The following TSPEAR variants were observed in gnomAD, a reference collection of about 807,000 sequenced individuals.
TSPEAR encodes the protein thrombospondin type laminin G domain and EAR repeats.
A neutral mutation model predicts 71.6 loss-of-function variants in TSPEAR; 69 were observed. The observed-to-expected ratio is 0.96, with a 90% confidence interval of 0.79 to 1.18. The LOEUF is 1.18. Among genes scored for constraint, TSPEAR ranks in the 50% most tolerant of loss-of-function variants. The pLI is 0.00. For missense variants in TSPEAR, 971 were observed against 894.9 expected, an observed-to-expected ratio of 1.09 and a Z score of -1.09; for synonymous variants, 402 against 387.2, an observed-to-expected ratio of 1.04 and a Z score of -0.45.
At chr21:44,697,986 C>A in intron 1 of TSPEAR, 1 of 1,578,594 alleles carries the variant, frequency 6.3e-7, no homozygotes, top group Non-Finnish European at 8.6e-7. Flanking sequence ...GCATGTCCCC[C>A]AGGGCCACTG....
intron 2 of TSPEAR, chr21:44,558,793 T>G: frequency 9.2e-6 from 14 of 1,526,154 alleles, no homozygotes; most frequent in Non-Finnish European, 1.2e-5. Context: ...GAGTGAGTGA[T>G]CGTGCCAGGC....
chr21:44,704,049 G>GCCCTCAA, intron 1 of TSPEAR, among the ~76,000 whole-genome samples: 1 of 152,350 alleles, frequency 6.6e-6, no homozygotes, highest in South Asian at 2.1e-4. Context: ...CCTGGAGAGT[G>GCCCTCAA]TGGGGCAGAT....
At chr21:44,678,485 C>G (rs981429133) in intron 1 of TSPEAR, among the ~76,000 whole-genome samples, 1 of 152,162 alleles carries the variant, frequency 6.6e-6, no homozygotes, top group Non-Finnish European at 1.5e-5. Context: ...GCAGAAGCCT[C>G]TATGGTTCCT....
At chr21:44,707,649 C>T (rs1227447289) in intron 1 of TSPEAR, among the ~76,000 whole-genome samples, 3 of 152,102 alleles carry the variant, frequency 2.0e-5, no homozygotes, top group Non-Finnish European at 4.4e-5. Context: ...AAGGCGTGGC[C>T]ACTGACAATT....
intron 1 of TSPEAR, among the ~76,000 whole-genome samples, chr21:44,659,234 G>A (rs587598339): frequency 2.0e-5 from 3 of 152,218 alleles, no homozygotes; most frequent in East Asian, 1.9e-4. Context: ...ATGCAGGGGC[G>A]TGTGAAACTT....
intron 8 of TSPEAR, among the ~76,000 whole-genome samples, chr21:44,524,018 C>G (rs587693687): frequency 1.3e-5 from 2 of 150,548 alleles, no homozygotes; most frequent in Non-Finnish European, 1.5e-5. Context: ...AGTTAGTCAT[C>G]AGTCAGGTAG....
At chr21:44,610,213 G>A (rs1475885475) in intron 1 of TSPEAR, among the ~76,000 whole-genome samples, 1 of 152,230 alleles carries the variant, frequency 6.6e-6, no homozygotes, top group African/African-American at 2.4e-5. Context: ...AAGTAGCAAG[G>A]AGCCTATTGT....
At chr21:44,618,010 T>C (rs75713010) in intron 1 of TSPEAR, among the ~76,000 whole-genome samples, 1 of 152,280 alleles carries the variant, frequency 6.6e-6, no homozygotes, top group Non-Finnish European at 1.5e-5. Context: ...ACAGAGGAAA[T>C]GGTGGAGCGG....
At chr21:44,706,951 C>T (rs1987955992) in intron 1 of TSPEAR, among the ~76,000 whole-genome samples, 1 of 152,208 alleles carries the variant, frequency 6.6e-6, no homozygotes, top group South Asian at 2.1e-4. Context: ...GGTCCCCCCA[C>T]CCCCAACCCC....
rs587729396 is a variant in TSPEAR, at chr21:44,559,721, C to T, written c.303+8064G>A. On this transcript the variant is annotated intron_variant, in intron 2 of 11. Transcript: ENST00000323084. ...GTGTGTATCAGCCCATGCCTGTGCC[C>T]GGGACCATACCTGTGCGCTAGTAAG... Among the ~76,000 whole-genome samples, 9 of 152,304 alleles carry T rather than the reference C, an allele frequency of 5.9e-5. No individual in the cohort carries two copies. The South Asian group carries it at 1.2e-3, about 21-fold the overall frequency.
intron 6 of TSPEAR, 151 bp downstream of exon 6, chr21:44,528,301 G>A: frequency 4.6e-6 from 5 of 1,093,994 alleles, no homozygotes; most frequent in Non-Finnish European, 6.7e-6. Context: ...GACTGATGCT[G>A]CCTCTCACTC....
rs34221889 is a variant in TSPEAR at position 44,594,822 on chromosome 21, A to ATTTT, written c.83-26821_83-26818dup. ...TTTTTTCCAAACTTACGGATCTGTGATTTTTTTTTTTTTTTTTTGAGATGC... is the reference window on the plus strand; with the variant it reads ...TTTTTTCCAAACTTACGGATCTGTGATTTTTTTTTTTTTTTTTTTTTTGAGATGC... On this transcript the variant is annotated intron_variant, in intron 1 of 11. Coordinates refer to ENST00000323084, the MANE Select transcript of TSPEAR (RefSeq NM_144991.3). Among the ~76,000 whole-genome samples the ATTTT allele has an allele frequency of 1.6e-3, 207 of 125,516 alleles. 7 individuals are homozygous for ATTTT. The highest frequency in any genetic ancestry group is 5.3e-3 in the African/African-American group (170 of 31,808). 82.3% of individuals were successfully genotyped at this position (125,516 alleles called of 152,430 possible).
rs1379546184 is a variant in TSPEAR, at chr21:44,661,200, A to AGAGGCG, written c.82+50227_82+50232dup. On this transcript the variant is annotated intron_variant, in intron 1 of 11. Coordinates refer to ENST00000323084, the MANE Select transcript of TSPEAR (RefSeq NM_144991.3). ...GCGGCAGGAGAATGGCGTGAACCCCAGAGGCGGAGGCGGAGCCTGCAGTGA... is the reference window on the plus strand; with the variant it reads ...GCGGCAGGAGAATGGCGTGAACCCCAGAGGCGGAGGCGGAGGCGGAGCCTGCAGTGA... Among the ~76,000 whole-genome samples the AGAGGCG allele has an allele frequency of 2.1e-3, 313 of 148,372 alleles. 4 individuals are homozygous for AGAGGCG. The highest frequency in any genetic ancestry group is 7.5e-3 in the African/African-American group (300 of 40,196).
intron 1 of TSPEAR, chr21:44,638,142 G>C: frequency 6.2e-7 from 1 of 1,612,648 alleles, no homozygotes; most frequent in South Asian, 1.1e-5. Context: ...GCCTGCTACA[G>C]CCTCTGCTCT....
In TSPEAR at chr21:44,654,632, T is replaced by TG. The variant is rs371139706; in HGVS notation, c.82+56800dup. On this transcript the variant is annotated intron_variant, in intron 1 of 11. Transcript: ENST00000323084. ...TGGCACATGATGGAGTGTGGACAGG[T>TG]GGGGGGCGCAGAGGACAGGGCTGGT... 4.0e-6 allele frequency: 6 copies of TG among 1,508,318 alleles called. No individual in the cohort carries two copies. The East Asian group carries it at 7.1e-5, about 18-fold the overall frequency. The allele number at this position is 1,508,318 out of a possible 1,614,324, so 93.4% of individuals were successfully genotyped here.
chr21:44,574,473 T>G (rs1555923408), intron 1 of TSPEAR: 3 of 1,605,820 alleles, frequency 1.9e-6, no homozygotes, highest in Non-Finnish European at 2.5e-6. Flanking sequence ...GACTGTCTGC[T>G]GCAAGCCTGT....
chr21:44,577,750 A>G (rs1555924147), intron 1 of TSPEAR, among the ~76,000 whole-genome samples: 1 of 152,214 alleles, frequency 6.6e-6, no homozygotes, highest in Non-Finnish European at 1.5e-5. Flanking sequence ...AATAAAACCA[A>G]ACCTAGTTTT....
chr21:44,542,086 A>G lies in TSPEAR; in HGVS notation c.304-8163T>C, dbSNP rs182578120. Among the ~76,000 whole-genome samples, 136 of 152,352 alleles carry G rather than the reference A, an allele frequency of 8.9e-4. 2 individuals are homozygous for G. In the Middle Eastern group the frequency reaches 0.014, roughly 15 times the overall value. ...GATTAACTTGCTCAAGAAAATAGAG[A>G]ACAAATGGAGAATTTCAGTGTCAAA... is the stretch of plus-strand genomic sequence containing the variant. On this transcript the variant is annotated intron_variant, in intron 2 of 11. Transcript: ENST00000323084.
intron 1 of TSPEAR, among the ~76,000 whole-genome samples, chr21:44,604,635 G>A (rs1248772591): frequency 7.2e-5 from 11 of 152,210 alleles, no homozygotes; most frequent in African/African-American, 2.7e-4. Flanking sequence ...TTAAATAGAA[G>A]TGACAAGAGT....
Sources: allele counts gnomAD v4.1 joint callset (sites outside exome capture counted in the v4.1 genomes callset), GRCh38; gene constraint gnomAD v4.1.1; transcripts MANE v1.5; gene names NCBI Gene and HGNC (gene_info 2026-07-23, HGNC 2026-07-21).